The following DSCAM variants were observed in gnomAD, a reference collection of about 807,000 sequenced individuals.
The protein encoded by DSCAM is DS cell adhesion molecule.
DSCAM carries 47 observed loss-of-function variants against 217.7 expected under a neutral mutation model. The observed-to-expected ratio is 0.22, with a 90% CI of 0.17 to 0.28. The LOEUF (loss-of-function observed/expected upper bound fraction) is 0.28, where lower values mean the gene tolerates loss of function less well. Among genes scored for constraint, DSCAM ranks in the 10% least tolerant of loss-of-function variants. DSCAM has a pLI of 1.00. For synonymous variants in DSCAM, 1,056 were observed against 1,015.3 expected (o/e 1.04, Z -0.76); for missense variants, 2,080 against 2,618.3 (o/e 0.79, Z 4.49).
At chr21:40,576,535 C>G (rs2076851890) in intron 3 of DSCAM, among the ~76,000 whole-genome samples, 1 of 152,090 alleles carries the variant, frequency 6.6e-6, no homozygotes, top group Non-Finnish European at 1.5e-5. Flanking sequence ...AAAAAATGAT[C>G]AGTGCCTTTT....
At chr21:40,509,221 C>T (rs949225202) in intron 3 of DSCAM, among the ~76,000 whole-genome samples, 1 of 152,032 alleles carries the variant, frequency 6.6e-6, no homozygotes, top group African/African-American at 2.4e-5. Flanking sequence ...CCTCAGTTTC[C>T]AAGAGCACAG....
chr21:40,740,433 C>T lies in DSCAM; in HGVS notation c.44-31662G>A, dbSNP rs529314170. Among the ~76,000 whole-genome samples the T allele has an allele frequency of 1.4e-4, 22 of 152,266 alleles. No individual in the cohort carries two copies. The East Asian group carries it at 2.1e-3, about 15-fold the overall frequency. ...CATTTGCTGACCCCATGTGCCTCCT[C>T]CCCCAATATGTTTCCCACACATTAG... On this transcript the variant is annotated intron_variant, in intron 1 of 32. Coordinates refer to ENST00000400454, the MANE Select transcript of DSCAM (RefSeq NM_001389.5).
intron 9 of DSCAM, among the ~76,000 whole-genome samples, chr21:40,309,211 C>A (rs1274355725): frequency 1.3e-5 from 2 of 152,118 alleles, no homozygotes. Context: ...TTTCTGAGTT[C>A]CTGCACATTG....
intron 3 of DSCAM, among the ~76,000 whole-genome samples, chr21:40,657,494 G>T (rs1180065962): frequency 1.3e-5 from 2 of 152,076 alleles, no homozygotes; most frequent in Non-Finnish European, 2.9e-5. Context: ...GCAAGAAAAA[G>T]AAAAAGTGAA....
At chr21:40,826,876 C>T (rs966535396) in intron 1 of DSCAM, among the ~76,000 whole-genome samples, 3 of 151,958 alleles carry the variant, frequency 2.0e-5, no homozygotes, top group Non-Finnish European at 4.4e-5. Context: ...TGGATTTGAG[C>T]TCAGAGAAGA....
intron 3 of DSCAM, among the ~76,000 whole-genome samples, chr21:40,374,184 A>G (rs1163195969): frequency 6.6e-6 from 1 of 152,238 alleles, no homozygotes; most frequent in Non-Finnish European, 1.5e-5. Flanking sequence ...TACCCAATAA[A>G]TGTATATAAC....
chr21:40,369,019 C>G (rs959981715), intron 4 of DSCAM, 80 bp downstream of exon 4: 2 of 1,412,706 alleles, frequency 1.4e-6, no homozygotes, highest in East Asian at 2.5e-5. Flanking sequence ...TGGCAACACT[C>G]CACAATTTTG....
At chr21:40,727,072 C>T (rs903200177) in intron 1 of DSCAM, among the ~76,000 whole-genome samples, 22 of 152,208 alleles carry the variant, frequency 1.4e-4, no homozygotes, top group African/African-American at 5.1e-4. Context: ...CAGTGTCAGG[C>T]ATTCTGTTAC....
chr21:40,220,728 A>G (rs1349661574), intron 11 of DSCAM, among the ~76,000 whole-genome samples: 1 of 152,216 alleles, frequency 6.6e-6, no homozygotes, highest in Non-Finnish European at 1.5e-5. Flanking sequence ...GACTGAAGAA[A>G]CAGATGCAGG....
chr21:40,254,631 C>T (rs931078999), intron 11 of DSCAM, among the ~76,000 whole-genome samples: 1 of 152,144 alleles, frequency 6.6e-6, no homozygotes, highest in Non-Finnish European at 1.5e-5. Flanking sequence ...GCCCCCAGCC[C>T]CAGCCACCTT....
chr21:40,578,702 ACTGTGAGGGT>A lies in DSCAM; in HGVS notation c.508+114098_508+114107del, dbSNP rs2076877398. 2.6e-5 allele frequency among the ~76,000 whole-genome samples: 4 copies of A among 152,308 alleles called. No individual in the cohort carries two copies. In the South Asian group the frequency reaches 8.3e-4, roughly 32 times the overall value. On this transcript the variant is annotated intron_variant, in intron 3 of 32. Coordinates refer to ENST00000400454, the MANE Select transcript of DSCAM (RefSeq NM_001389.5). ...ACTACCTTTATGAGCTGTAACACTC[ACTGTGAGGGT>A]CTGCGGCTTCACTCCTGAAGTCAGC...
chr21:40,818,784 T>C (rs758073910), intron 1 of DSCAM, among the ~76,000 whole-genome samples: 2 of 151,828 alleles, frequency 1.3e-5, no homozygotes, highest in Non-Finnish European at 2.9e-5. Flanking sequence ...TGTGATAAAA[T>C]CTAAGAGAAC....
At chr21:40,356,388 G>GATATATAT (rs60717299) in intron 4 of DSCAM, among the ~76,000 whole-genome samples, 8,536 of 147,128 alleles carry the variant, frequency 0.058, 259 homozygotes, top group South Asian at 0.14. Flanking sequence ...GCTTGATAGT[G>GATATATAT]ATATATATAT....
At position 40,489,663 on chromosome 21, in the gene DSCAM, T is replaced by G. The variant is rs530175363; in HGVS notation, c.509-120418A>C. Among the ~76,000 whole-genome samples the G allele has an allele frequency of 1.7e-3, 251 of 147,356 alleles. 1 individual carries two copies. The highest frequency in any genetic ancestry group is 3.5e-3 in the Middle Eastern group (1 of 282). On this transcript the variant is annotated intron_variant, in intron 3 of 32. Transcript: ENST00000400454. ...AGTGGCAGGCGCCTGTAGTCCCAGC[T>G]ACTCGGGAGGCTGAGGCAGGAGAAT...
intron 1 of DSCAM, among the ~76,000 whole-genome samples, chr21:40,810,400 T>G (rs967443507): frequency 1.3e-5 from 2 of 152,184 alleles, no homozygotes; most frequent in Non-Finnish European, 2.9e-5. Flanking sequence ...GATGAATTTA[T>G]TAGAAGTTCT....
At chr21:40,643,373 G>A (rs1454850834) in intron 3 of DSCAM, among the ~76,000 whole-genome samples, 1 of 152,118 alleles carries the variant, frequency 6.6e-6, no homozygotes, top group Admixed American at 6.5e-5. Flanking sequence ...AACATCAGAG[G>A]GTCATGGTGA....
At chr21:40,473,884 C>T (rs978335391) in intron 3 of DSCAM, among the ~76,000 whole-genome samples, 5 of 152,150 alleles carry the variant, frequency 3.3e-5, no homozygotes, top group African/African-American at 1.2e-4. Context: ...CTGATAGCTT[C>T]GTCTTGGACT....
chr21:40,084,928 T>C (rs570494732), intron 23 of DSCAM, among the ~76,000 whole-genome samples: 1 of 152,246 alleles, frequency 6.6e-6, no homozygotes, highest in East Asian at 1.9e-4. Context: ...TATTTTTACT[T>C]GCTGTAATCT....
chr21:40,373,886 A>G (rs1027064808), intron 3 of DSCAM, among the ~76,000 whole-genome samples: 1 of 152,192 alleles, frequency 6.6e-6, no homozygotes, highest in Non-Finnish European at 1.5e-5. Flanking sequence ...TGCTTTCTTC[A>G]TCTAGAAAAA....
Sources: allele counts gnomAD v4.1 joint callset (sites outside exome capture counted in the v4.1 genomes callset), GRCh38; gene constraint gnomAD v4.1.1; transcripts MANE v1.5; gene names NCBI Gene and HGNC (gene_info 2026-07-23, HGNC 2026-07-21).